CCM2: variants seen among roughly 807,000 people sequenced by gnomAD.
CCM2 encodes the protein CCM2 scaffold protein.
Under a neutral mutation model 44.9 loss-of-function variants are expected in CCM2, and 25 were observed. The observed-to-expected ratio is 0.56, with a 90% CI of 0.41 to 0.78. The LOEUF (loss-of-function observed/expected upper bound fraction) is 0.78, where lower values mean the gene tolerates loss of function less well. Among genes scored for constraint, CCM2 ranks in the 30% least tolerant of loss-of-function variants. The pLI is 0.00. For missense variants in CCM2, 481 were observed against 580.6 expected (o/e 0.83, Z 1.76); for synonymous variants, 219 against 241.1 (o/e 0.91, Z 0.85).
rs937183532 is a variant in CCM2 at position 45,067,270 on chromosome 7, G to A, written c.473-1173G>A. 2.0e-5 allele frequency among the ~76,000 whole-genome samples: 3 copies of A among 147,366 alleles called. No homozygotes were observed. The Admixed American group carries it at 2.1e-4, about 10-fold the overall frequency. ...TGCAATGGTGTGGTCTTGGTTCACT[G>A]CAATCTCCGCCCCCCGAGTAGCTGG... On this transcript the variant is annotated intron_variant, in intron 4 of 9. Transcript: ENST00000258781.
intron 1 of CCM2, among the ~76,000 whole-genome samples, chr7:45,032,412 C>G (rs1310139575): frequency 6.6e-6 from 1 of 152,128 alleles, no homozygotes. Flanking sequence ...TGTGAGCAGT[C>G]AGAAGGTTGT....
intron 6 of CCM2, chr7:45,071,916 A>G: frequency 2.2e-6 from 1 of 455,254 alleles, no homozygotes; most frequent in Non-Finnish European, 4.4e-6. Context: ...AATTGGTAAC[A>G]TATTCACCAA....
At chr7:45,025,166 ATAAG>A (rs1796634211) in intron 1 of CCM2, among the ~76,000 whole-genome samples, 1 of 152,236 alleles carries the variant, frequency 6.6e-6, no homozygotes, top group Non-Finnish European at 1.5e-5. Context: ...AGGTACTTAT[ATAAG>A]AGAGAAAGCA....
intron 8 of CCM2, 27 bp from the exon 9 acceptor site, chr7:45,074,243 C>G: frequency 6.2e-7 from 1 of 1,613,190 alleles, no homozygotes; most frequent in Non-Finnish European, 8.5e-7. Context: ...TGTGCCCAGC[C>G]CCCTATCTGG....
At chr7:45,048,467 A>G (rs1232579562) in intron 2 of CCM2, among the ~76,000 whole-genome samples, 1 of 152,224 alleles carries the variant, frequency 6.6e-6, no homozygotes, top group African/African-American at 2.4e-5. Context: ...AACATTTTAA[A>G]TATATTTTTC....
At chr7:45,014,490 A>G (rs138341225) in intron 1 of CCM2, among the ~76,000 whole-genome samples, 7 of 151,850 alleles carry the variant, frequency 4.6e-5, no homozygotes, top group Non-Finnish European at 7.4e-5. Context: ...AAAATTTACT[A>G]TCTTAACCTT....
chr7:45,066,093 T>C (rs1798759429), intron 4 of CCM2, among the ~76,000 whole-genome samples: 2 of 151,984 alleles, frequency 1.3e-5, no homozygotes, highest in African/African-American at 4.8e-5. Context: ...GGATGACAGA[T>C]TTTTTTTAAT....
At chr7:45,039,707 G>A (rs889494732) in intron 2 of CCM2, among the ~76,000 whole-genome samples, 3 of 152,158 alleles carry the variant, frequency 2.0e-5, no homozygotes, top group African/African-American at 7.2e-5. Flanking sequence ...AAATAAAAAG[G>A]TGAGAGGAAG....
intron 1 of CCM2, among the ~76,000 whole-genome samples, chr7:45,007,367 T>C (rs1223933958): frequency 6.6e-6 from 1 of 152,140 alleles, no homozygotes; most frequent in East Asian, 1.9e-4. Flanking sequence ...GTTAGCGCGC[T>C]TCGCACTCCT....
chr7:45,024,241 A>G (rs529363655), intron 1 of CCM2, among the ~76,000 whole-genome samples: 1 of 152,222 alleles, frequency 6.6e-6, no homozygotes, highest in East Asian at 1.9e-4. Context: ...AAGACTCTTC[A>G]GCTGATAATA....
chr7:45,023,061 C>G (rs1796543511), intron 1 of CCM2, among the ~76,000 whole-genome samples: 1 of 151,944 alleles, frequency 6.6e-6, no homozygotes, highest in African/African-American at 2.4e-5. Flanking sequence ...TTTAGTGTAC[C>G]CATCACCCAA....
chr7:45,042,906 CAGAA>C (rs1319831579), intron 2 of CCM2, among the ~76,000 whole-genome samples: 2 of 151,644 alleles, frequency 1.3e-5, no homozygotes, highest in Non-Finnish European at 2.9e-5. Context: ...TCCAGAAAAA[CAGAA>C]AGGGAGGGAA....
intron 1 of CCM2, among the ~76,000 whole-genome samples, chr7:45,005,758 T>A (rs1795824285): frequency 6.6e-6 from 1 of 152,082 alleles, no homozygotes; most frequent in African/African-American, 2.4e-5. Flanking sequence ...ACACCTAAAA[T>A]TAGAGACTAA....
chr7:45,063,725 C>T (rs942917341), intron 2 of CCM2, among the ~76,000 whole-genome samples, 193 bp from the exon 3 acceptor site: 2 of 152,028 alleles, frequency 1.3e-5, no homozygotes, highest in African/African-American at 4.8e-5. Context: ...CAGCACTGTC[C>T]TCAGCCAGTA....
intron 1 of CCM2, among the ~76,000 whole-genome samples, chr7:45,025,074 G>C (rs1032471454): frequency 3.9e-5 from 6 of 152,050 alleles, no homozygotes; most frequent in African/African-American, 9.7e-5. Flanking sequence ...TCTAAGACAG[G>C]GTTGGCAAAC....
intron 1 of CCM2, among the ~76,000 whole-genome samples, chr7:45,001,907 T>G (rs1188063491): frequency 6.6e-6 from 1 of 152,198 alleles, no homozygotes; most frequent in Non-Finnish European, 1.5e-5. Flanking sequence ...GAGGAGATAA[T>G]CAGTTGTTAT....
chr7:45,058,117 G>C (rs892220215), intron 2 of CCM2, among the ~76,000 whole-genome samples: 1 of 152,200 alleles, frequency 6.6e-6, no homozygotes, highest in Non-Finnish European at 1.5e-5. Flanking sequence ...CTCCTTGCTT[G>C]GTTCCCAGTC....
intron 1 of CCM2, among the ~76,000 whole-genome samples, chr7:45,018,166 G>A (rs1035161266): frequency 2.6e-5 from 4 of 152,112 alleles, no homozygotes; most frequent in Non-Finnish European, 4.4e-5. Flanking sequence ...ATCTAATGCA[G>A]CCACTGATCT....
chr7:45,033,044 CAAAAAAAA>C (rs60956411), intron 1 of CCM2, among the ~76,000 whole-genome samples: 16 of 58,084 alleles, frequency 2.8e-4, no homozygotes, highest in African/African-American at 8.2e-4. Flanking sequence ...AACTCCGTCT[CAAAAAAAA>C]AAAAAAAAAA....
Sources: gnomAD v4.1 joint callset for allele counts (sites outside exome capture counted in the v4.1 genomes callset) on GRCh38, gnomAD v4.1.1 for gene constraint, MANE v1.5 for transcripts, NCBI Gene and HGNC (gene_info 2026-07-23, HGNC 2026-07-21) for gene names.